Variants in SLIT3 observed in about 807,000 individuals in gnomAD.
SLIT3 encodes slit guidance ligand 3.
In SLIT3, 68 loss-of-function variants were observed where a neutral mutation model predicts 184.0. The observed-to-expected ratio is 0.37, with a 90% confidence interval of 0.30 to 0.45. The LOEUF is 0.45. Ranked by LOEUF, SLIT3 falls within the 20% of genes least tolerant of loss-of-function variation. SLIT3 has a pLI of 1.00. For synonymous variants in SLIT3, 831 were observed against 828.6 expected, an observed-to-expected ratio of 1.00 and a Z score of -0.05; for missense variants, 1,707 against 2,026.0, an observed-to-expected ratio of 0.84 and a Z score of 3.02.
intron 20 of SLIT3, among the ~76,000 whole-genome samples, chr5:168,738,564 C>T (rs1193754694): frequency 6.6e-6 from 1 of 152,156 alleles, no homozygotes; most frequent in Admixed American, 6.6e-5. Context: ...AAAAGAAAGA[C>T]TGGCAAACTC....
rs781479872 is a variant in SLIT3, at chr5:169,251,402, C to T, written c.255G>A (p.Lys85=). Reference sequence around the variant, plus strand: ...CAACTACTTACAAGACTCGGAGGTTCTTGAGCCCAGCGAAGTCCATCTTGG... The same window carrying T: ...CAACTACTTACAAGACTCGGAGGTTTTTGAGCCCAGCGAAGTCCATCTTGG... ...RITKMDFAGL[K]NLRVLHLEDN... is the part of the protein sequence containing the mutation. The change falls in exon 2 of 36, where the codon AAG becomes AAA. Residue 85 remains lysine, a synonymous_variant. Transcript: ENST00000519560. 5.6e-6 allele frequency: 9 copies of T among 1,612,846 alleles called. No homozygotes were observed. The highest frequency in any genetic ancestry group is 7.6e-6 in the Non-Finnish European group (9 of 1,178,884).
intron 4 of SLIT3, among the ~76,000 whole-genome samples, chr5:168,907,250 C>A (rs151322435): frequency 3.9e-5 from 6 of 152,180 alleles, no homozygotes; most frequent in Admixed American, 1.3e-4. Flanking sequence ...AGCCCTGTGT[C>A]GGTGCAGAGC....
chr5:169,239,499 TAA>T (rs1248253664), intron 3 of SLIT3, among the ~76,000 whole-genome samples: 2 of 152,154 alleles, frequency 1.3e-5, no homozygotes, highest in East Asian at 1.9e-4. Context: ...CTAATTGATA[TAA>T]GACAGATTTT....
chr5:168,830,503 T>C (rs890312918), intron 6 of SLIT3, among the ~76,000 whole-genome samples: 1 of 152,252 alleles, frequency 6.6e-6, no homozygotes, highest in Non-Finnish European at 1.5e-5. Context: ...TCTAATGAGC[T>C]AGACTAGTCA....
At chr5:168,979,949 C>T (rs1247868457) in intron 4 of SLIT3, among the ~76,000 whole-genome samples, 1 of 152,136 alleles carries the variant, frequency 6.6e-6, no homozygotes, top group East Asian at 1.9e-4. Context: ...CTCCTAGGCT[C>T]ACTTCACAAA....
chr5:169,098,963 G>A (rs891601112), intron 4 of SLIT3, among the ~76,000 whole-genome samples: 1 of 152,050 alleles, frequency 6.6e-6, no homozygotes, highest in East Asian at 1.9e-4. Context: ...TCCCAGGTCA[G>A]ATCTCAGATG....
intron 4 of SLIT3, among the ~76,000 whole-genome samples, chr5:169,188,743 A>G (rs1307659998): frequency 1.3e-5 from 2 of 152,158 alleles, no homozygotes. Context: ...AATGCCAATT[A>G]TTTTCCCCCA....
At chr5:169,200,029 C>T (rs989335539) in intron 3 of SLIT3, among the ~76,000 whole-genome samples, 2 of 152,198 alleles carry the variant, frequency 1.3e-5, no homozygotes, top group African/African-American at 4.8e-5. Flanking sequence ...AAACAGGGCT[C>T]CCAGAGGGCC....
At chr5:168,824,827 C>T (rs771038357) in intron 6 of SLIT3, among the ~76,000 whole-genome samples, 1 of 152,204 alleles carries the variant, frequency 6.6e-6, no homozygotes, top group Non-Finnish European at 1.5e-5. Context: ...CCTACTGGCC[C>T]AGGAAGGACC....
At chr5:168,800,338 C>A (rs1756719793) in intron 9 of SLIT3, among the ~76,000 whole-genome samples, 1 of 152,206 alleles carries the variant, frequency 6.6e-6, no homozygotes, top group Non-Finnish European at 1.5e-5. Context: ...GTAATCCCAG[C>A]ACTTTGGGAG....
At chr5:168,958,773 T>C (rs767075906) in intron 4 of SLIT3, among the ~76,000 whole-genome samples, 11 of 152,238 alleles carry the variant, frequency 7.2e-5, no homozygotes, top group Non-Finnish European at 1.6e-4. Context: ...TGTGCTGTGG[T>C]GGAAGAAGGT....
At chr5:168,691,171 T>C (rs1761895016) in intron 29 of SLIT3, among the ~76,000 whole-genome samples, 1 of 152,192 alleles carries the variant, frequency 6.6e-6, no homozygotes, top group South Asian at 2.1e-4. Flanking sequence ...AGGAGATGAA[T>C]CAAAACCATC....
intron 6 of SLIT3, 53 bp from the exon 7 acceptor site, chr5:168,823,384 C>A: frequency 7.5e-7 from 1 of 1,336,706 alleles, no homozygotes; most frequent in Non-Finnish European, 1.1e-6. Context: ...GGGGAGGCAC[C>A]AAGATGCTTG....
chr5:168,769,805 C>G (rs1458183446), intron 14 of SLIT3, among the ~76,000 whole-genome samples: 1 of 152,182 alleles, frequency 6.6e-6, no homozygotes, highest in East Asian at 1.9e-4. Context: ...TATCAAGAGT[C>G]TTCACAGTAT....
intron 4 of SLIT3, among the ~76,000 whole-genome samples, chr5:168,922,371 G>A (rs576422548): frequency 2.0e-5 from 3 of 151,218 alleles, no homozygotes; most frequent in African/African-American, 7.3e-5. Flanking sequence ...GCAGGAGAAT[G>A]GCGTTAACCC....
chr5:169,251,669 T>C (rs1765779300), intron 1 of SLIT3, among the ~76,000 whole-genome samples: 1 of 152,198 alleles, frequency 6.6e-6, no homozygotes, highest in Non-Finnish European at 1.5e-5. Flanking sequence ...CTTTTATATG[T>C]AACTGCCTGC....
intron 4 of SLIT3, among the ~76,000 whole-genome samples, chr5:168,949,215 T>G (rs1476427648): frequency 6.6e-6 from 1 of 152,196 alleles, no homozygotes; most frequent in Non-Finnish European, 1.5e-5. Flanking sequence ...CTGACTGGAT[T>G]TGGTTAAGCT....
chr5:169,288,449 A>G (rs949038048), intron 1 of SLIT3, among the ~76,000 whole-genome samples: 2 of 152,054 alleles, frequency 1.3e-5, no homozygotes, highest in African/African-American at 2.4e-5. Flanking sequence ...GCTTGCTTTC[A>G]TCAATGATTC....
intron 4 of SLIT3, among the ~76,000 whole-genome samples, chr5:168,952,571 TA>T (rs70979115): frequency 0.1 from 5,346 of 51,594 alleles, 144 homozygotes; most frequent in Non-Finnish European, 0.16. Flanking sequence ...CAAAGGGATT[TA>T]AAAAAAAAAA....
Sources: gnomAD v4.1 joint callset for allele counts (sites outside exome capture counted in the v4.1 genomes callset) on GRCh38, gnomAD v4.1.1 for gene constraint, MANE v1.5 for transcripts, NCBI Gene and HGNC (gene_info 2026-07-23, HGNC 2026-07-21) for gene names.